IL20RA: variants seen among roughly 807,000 people sequenced by gnomAD.
The protein encoded by IL20RA is interleukin-20 receptor subunit alpha.
Under a neutral mutation model 36.5 loss-of-function variants are expected in IL20RA, and 29 were observed. The ratio of observed to expected loss-of-function variants is 0.79; its 90% CI spans 0.59 to 1.08. The LOEUF (loss-of-function observed/expected upper bound fraction) is 1.08, where lower values mean the gene tolerates loss of function less well. IL20RA is among the 50% of genes least tolerant of loss of function. The probability of loss-of-function intolerance (pLI) is 0.00; values close to 1 mark genes in which losing one functional copy is unlikely to be tolerated. For missense variants in IL20RA, 652 were observed against 668.4 expected (o/e 0.98, Z 0.27); for synonymous variants, 279 against 267.1 (o/e 1.04, Z -0.43).
At chr6:137,034,438 G>A (rs1174992394) in intron 1 of IL20RA, among the ~76,000 whole-genome samples, 9 of 151,764 alleles carry the variant, frequency 5.9e-5, no homozygotes, top group Admixed American at 6.6e-5. Flanking sequence ...CAGGATACAC[G>A]TGCAGAATGT....
At chr6:137,030,602 T>C (rs1425105422) in intron 1 of IL20RA, among the ~76,000 whole-genome samples, 1 of 152,176 alleles carries the variant, frequency 6.6e-6, no homozygotes, top group Non-Finnish European at 1.5e-5. Context: ...TAATTTACAC[T>C]TGCACATGTG....
At chr6:137,013,874 A>T (rs1775581735) in intron 2 of IL20RA, among the ~76,000 whole-genome samples, 1 of 152,234 alleles carries the variant, frequency 6.6e-6, no homozygotes, top group Non-Finnish European at 1.5e-5. Context: ...ATGCACAGGC[A>T]TGTAAGAACT....
intron 1 of IL20RA, among the ~76,000 whole-genome samples, chr6:137,035,056 A>G (rs867959907): frequency 6.6e-6 from 1 of 152,126 alleles, no homozygotes; most frequent in Non-Finnish European, 1.5e-5. Flanking sequence ...GCAAAAGGAC[A>G]TGATCCCATT....
intron 1 of IL20RA, among the ~76,000 whole-genome samples, chr6:137,034,099 G>A (rs867303551): frequency 2.6e-5 from 4 of 152,106 alleles, no homozygotes; most frequent in South Asian, 2.1e-4. Context: ...GCAAAGAGCC[G>A]CAGACCACAG....
Position 137,044,822 on chromosome 6 carries a change from G to C in IL20RA, c.-94C>G, listed in dbSNP as rs1358502933. On this transcript the variant is annotated 5_prime_UTR_variant, in exon 1 of 7. Transcript: ENST00000316649. ...CGCGGCCGCGCGGCCTCAGCTCCGC[G>C]CCTGGGGCTCTGCGTGCCACGCTCC... 1.4e-5 allele frequency: 16 copies of C among 1,123,300 alleles called. No homozygotes were observed. The highest frequency in any genetic ancestry group is 1.8e-5 in the Non-Finnish European group (16 of 899,110). The allele number at this position is 1,123,300 out of a possible 1,614,324, so 69.6% of individuals were successfully genotyped here. A position where few individuals can be genotyped will look rare whatever the true frequency, so the allele number is the denominator to read the frequency against.
chr6:137,014,551 C>T (rs1775609127), intron 2 of IL20RA, among the ~76,000 whole-genome samples: 1 of 151,906 alleles, frequency 6.6e-6, no homozygotes, highest in African/African-American at 2.4e-5. Context: ...TGTTTGTCAC[C>T]ACAAGACATA....
intron 2 of IL20RA, among the ~76,000 whole-genome samples, chr6:137,014,392 C>G (rs993045447): frequency 5.3e-5 from 8 of 152,034 alleles, no homozygotes; most frequent in African/African-American, 1.9e-4. Context: ...TCTGTATAAA[C>G]AGAAGGACGA....
At chr6:137,030,038 G>C (rs1488342580) in intron 1 of IL20RA, among the ~76,000 whole-genome samples, 2 of 127,700 alleles carry the variant, frequency 1.6e-5, no homozygotes, top group Non-Finnish European at 3.3e-5. Flanking sequence ...TTTCATTAAA[G>C]AATTATGGTG....
chr6:137,004,680 T>C lies in IL20RA; in HGVS notation c.805A>G (p.Met269Val). The C allele has an allele frequency of 6.2e-7, 1 of 1,609,574 alleles. No individual in the cohort carries two copies. Among genetic ancestry groups the C allele is most frequent in the African/African-American group, 1.4e-5 (1 of 73,550 alleles). Reference sequence around the variant, plus strand: ...ATATATCGGTAGATGGAATAGCCCATCACAGAAAAAAGAAACACGGTAATA... The same window carrying C: ...ATATATCGGTAGATGGAATAGCCCACCACAGAAAAAAGAAACACGGTAATA... ...VSITVFLFSV[M>V]GYSIYRYIHV... The change falls in exon 6 of 7, where the codon ATG becomes GTG. Residue 269 changes from methionine to valine, a missense_variant. Coordinates refer to ENST00000316649, the MANE Select transcript of IL20RA (RefSeq NM_014432.4).
chr6:137,017,282 C>T (rs1291053602), intron 1 of IL20RA, among the ~76,000 whole-genome samples, 179 bp from the exon 2 acceptor site: 1 of 152,192 alleles, frequency 6.6e-6, no homozygotes, highest in Non-Finnish European at 1.5e-5. Context: ...TAAGCCAGGA[C>T]TTTTGCTTTT....
chr6:137,010,007 T>G (rs1653865981), intron 3 of IL20RA, among the ~76,000 whole-genome samples: 1 of 152,174 alleles, frequency 6.6e-6, no homozygotes, highest in South Asian at 2.1e-4. Flanking sequence ...AAACCAACCT[T>G]CACACAGCCT....
At chr6:137,029,312 A>G (rs1776194677) in intron 1 of IL20RA, among the ~76,000 whole-genome samples, 1 of 152,150 alleles carries the variant, frequency 6.6e-6, no homozygotes, top group South Asian at 2.1e-4. Context: ...GTTTGAGATC[A>G]GCCTGACCAA....
chr6:137,026,226 G>A (rs1776084617), intron 1 of IL20RA, among the ~76,000 whole-genome samples: 1 of 152,210 alleles, frequency 6.6e-6, no homozygotes, highest in South Asian at 2.1e-4. Flanking sequence ...AGGAATCAGA[G>A]GCTCTGATCT....
At chr6:137,038,984 T>C (rs921161489) in intron 1 of IL20RA, among the ~76,000 whole-genome samples, 2 of 152,250 alleles carry the variant, frequency 1.3e-5, no homozygotes, top group Admixed American at 1.3e-4. Context: ...ATGTTTATAC[T>C]AAAATCTTAA....
chr6:137,003,225 GA>G (rs1017127937), intron 6 of IL20RA, among the ~76,000 whole-genome samples: 19 of 152,200 alleles, frequency 1.2e-4, no homozygotes, highest in African/African-American at 4.1e-4. Context: ...AGCCAACTCT[GA>G]AACCTGAATG....
At chr6:137,005,016 A>T (rs1775231149) in intron 5 of IL20RA, among the ~76,000 whole-genome samples, 1 of 152,224 alleles carries the variant, frequency 6.6e-6, no homozygotes, top group Non-Finnish European at 1.5e-5. Context: ...CTAAGGATAC[A>T]TCAATCATCC....
intron 1 of IL20RA, among the ~76,000 whole-genome samples, chr6:137,033,775 A>G (rs1296366576): frequency 1.3e-5 from 2 of 152,228 alleles, no homozygotes; most frequent in African/African-American, 4.8e-5. Flanking sequence ...TCTTTGTAGC[A>G]AGGCGAGAAT....
intron 5 of IL20RA, among the ~76,000 whole-genome samples, chr6:137,005,851 TC>T (rs1775259200): frequency 6.6e-6 from 1 of 152,184 alleles, no homozygotes; most frequent in Admixed American, 6.5e-5. Flanking sequence ...CATCAACTCT[TC>T]CGTGGGTCTC....
intron 6 of IL20RA, among the ~76,000 whole-genome samples, chr6:137,003,847 C>T (rs949397213): frequency 2.0e-5 from 3 of 152,108 alleles, no homozygotes; most frequent in Non-Finnish European, 4.4e-5. Context: ...ATCCACCTTG[C>T]TGTTTCTTCT....
Sources: allele counts gnomAD v4.1 joint callset (sites outside exome capture counted in the v4.1 genomes callset), GRCh38; gene constraint gnomAD v4.1.1; transcripts MANE v1.5; gene names NCBI Gene and HGNC (gene_info 2026-07-23, HGNC 2026-07-21).